Variants in RANBP2 observed in about 807,000 individuals in gnomAD.
The protein encoded by RANBP2 is E3 SUMO-protein ligase RanBP2.
Under a neutral mutation model 303.6 loss-of-function variants are expected in RANBP2, and 57 were observed. That is an observed-to-expected ratio of 0.19 (90% CI 0.15 to 0.23). The LOEUF (loss-of-function observed/expected upper bound fraction) is 0.23. Ranked by LOEUF, RANBP2 falls within the 10% of genes least tolerant of loss-of-function variation. The pLI is 1.00. For missense variants in RANBP2, 3,138 were observed against 3,780.8 expected (o/e 0.83, Z 4.46); for synonymous variants, 1,167 against 1,301.5 (o/e 0.90, Z 2.23).
At chr2:109,630,683 T>A in the RANBP2 span, among the ~76,000 whole-genome samples, 1 of 152,198 alleles carries the variant, frequency 6.6e-6, no homozygotes, top group Non-Finnish European at 1.5e-5. Flanking sequence ...CACACCTGAC[T>A]GATGATTTCC....
chr2:109,523,868 T>C, the RANBP2 span, among the ~76,000 whole-genome samples: 3 of 152,218 alleles, frequency 2.0e-5, no homozygotes, highest in African/African-American at 7.2e-5. Context: ...CAGATTTTCC[T>C]GTTTGCATCT....
chr2:109,634,991 A>G, the RANBP2 span, among the ~76,000 whole-genome samples: 1 of 152,202 alleles, frequency 6.6e-6, no homozygotes, highest in Non-Finnish European at 1.5e-5. Flanking sequence ...CCTAAGTGAT[A>G]AGACACATTC....
chr2:109,418,493 C>T, the RANBP2 span, among the ~76,000 whole-genome samples: 2 of 152,134 alleles, frequency 1.3e-5, no homozygotes, highest in African/African-American at 2.4e-5. Context: ...TCCTCAGCAC[C>T]CCTCGGCTTG....
At chr2:109,008,907 AAAAG>A in the RANBP2 span, among the ~76,000 whole-genome samples, 1 of 149,318 alleles carries the variant, frequency 6.7e-6, no homozygotes. Flanking sequence ...TCAAAAAAAA[AAAAG>A]AAAAGAAAAG....
At chr2:109,459,362 G>C in the RANBP2 span, among the ~76,000 whole-genome samples, 6,728 of 152,174 alleles carry the variant, frequency 0.044, 438 homozygotes, top group African/African-American at 0.14. Flanking sequence ...TATCCAATCT[G>C]TATTCCCCTT....
rs753971848 is a variant in RANBP2, at chr2:108,782,118, C to G, written c.8761-10C>G. Reference sequence around the variant, plus strand: ...CAGCAGCTTATAGAGAATTTCATCTCCTATTATAGGTAGAAGTAAAATCTG... The same window carrying G: ...CAGCAGCTTATAGAGAATTTCATCTGCTATTATAGGTAGAAGTAAAATCTG... On this transcript the variant is annotated splice_polypyrimidine_tract_variant and intron_variant, in intron 26 of 28. Transcript: ENST00000283195. 1 of 1,613,598 alleles carries G rather than the reference C, an allele frequency of 6.2e-7. No individual in the cohort carries two copies. Among genetic ancestry groups the G allele is most frequent in the Non-Finnish European group, 8.5e-7 (1 of 1,179,846 alleles).
At chr2:109,536,812 T>G in the RANBP2 span, among the ~76,000 whole-genome samples, 12 of 152,194 alleles carry the variant, frequency 7.9e-5, no homozygotes, top group Non-Finnish European at 1.8e-4. Context: ...TCCTGTGCTG[T>G]TCTCATGATA....
At chr2:108,738,183 C>G (rs2149143413) in intron 6 of RANBP2, among the ~76,000 whole-genome samples, 1 of 152,124 alleles carries the variant, frequency 6.6e-6, no homozygotes, top group East Asian at 1.9e-4. Flanking sequence ...TCACGCCATT[C>G]TCCTGCCTCA....
the RANBP2 span, among the ~76,000 whole-genome samples, chr2:109,438,038 A>G: frequency 6.6e-6 from 1 of 152,234 alleles, no homozygotes; most frequent in Non-Finnish European, 1.5e-5. Flanking sequence ...AAGGGCAAAA[A>G]TAATGTAAAT....
At chr2:109,282,172 T>C in the RANBP2 span, among the ~76,000 whole-genome samples, 1 of 152,128 alleles carries the variant, frequency 6.6e-6, no homozygotes, top group Non-Finnish European at 1.5e-5. Flanking sequence ...ATAGCAGCTA[T>C]TTTTCTTTTT....
At chr2:109,691,252 G>A in the RANBP2 span, among the ~76,000 whole-genome samples, 6,763 of 152,284 alleles carry the variant, frequency 0.044, 429 homozygotes, top group East Asian at 0.14. Flanking sequence ...GGACTATTGG[G>A]AGAGAAATTT....
At chr2:109,240,754 A>G in the RANBP2 span, among the ~76,000 whole-genome samples, 3 of 150,152 alleles carry the variant, frequency 2.0e-5, no homozygotes, top group Admixed American at 6.6e-5. Flanking sequence ...GCTTCTTCCT[A>G]TTTCCTCCTG....
downstream of RANBP2, chr2:108,786,808 C>A (rs780012510): frequency 6.3e-7 from 1 of 1,577,806 alleles, no homozygotes; most frequent in Non-Finnish European, 8.6e-7. Context: ...GAGACTGGTA[C>A]GGTTGCTGTG....
At chr2:109,601,760 G>A in the RANBP2 span, among the ~76,000 whole-genome samples, 182 of 145,118 alleles carry the variant, frequency 1.3e-3, no homozygotes, top group African/African-American at 4.6e-3. Context: ...TCTACACCCT[G>A]AAGTTAAAAA....
the RANBP2 span, chr2:108,929,390 A>G: frequency 1.9e-6 from 3 of 1,613,884 alleles, no homozygotes; most frequent in Non-Finnish European, 1.7e-6. Flanking sequence ...CTGTCCAGGG[A>G]AAGAGGACAG....
chr2:108,990,036 C>T, the RANBP2 span, among the ~76,000 whole-genome samples: 1 of 152,202 alleles, frequency 6.6e-6, no homozygotes, highest in Non-Finnish European at 1.5e-5. Flanking sequence ...GTGGCTCACA[C>T]CTGTAACCCC....
At chr2:108,730,436 T>C (rs1242363143) in intron 2 of RANBP2, among the ~76,000 whole-genome samples, 2 of 152,076 alleles carry the variant, frequency 1.3e-5, no homozygotes, top group South Asian at 2.1e-4. Context: ...TATAATCACT[T>C]CTAATTTATT....
chr2:109,146,341 G>T, the RANBP2 span, among the ~76,000 whole-genome samples: 2 of 152,128 alleles, frequency 1.3e-5, no homozygotes, highest in African/African-American at 2.4e-5. Context: ...CTTCCCAAAG[G>T]TGGCCAGGGC....
At chr2:109,333,516 T>C in the RANBP2 span, among the ~76,000 whole-genome samples, 1 of 152,242 alleles carries the variant, frequency 6.6e-6, no homozygotes, top group African/African-American at 2.4e-5. Flanking sequence ...CCCCACCTGT[T>C]TGTGTAAGTA....
Sources: gnomAD v4.1 joint callset for allele counts (sites outside exome capture counted in the v4.1 genomes callset) on GRCh38, gnomAD v4.1.1 for gene constraint, MANE v1.5 for transcripts, NCBI Gene and HGNC (gene_info 2026-07-23, HGNC 2026-07-21) for gene names.